The following JAKMIP1 variants were observed in gnomAD, a reference collection of about 807,000 sequenced individuals.
The protein encoded by JAKMIP1 is janus kinase and microtubule-interacting protein 1.
In JAKMIP1, 33 loss-of-function variants were observed where a neutral mutation model predicts 113.0. The ratio of observed to expected loss-of-function variants is 0.29; its 90% CI spans 0.22 to 0.39. The LOEUF is 0.39. Ranked by LOEUF, JAKMIP1 falls within the 10% of genes least tolerant of loss-of-function variation. JAKMIP1 has a pLI of 1.00. For synonymous variants in JAKMIP1, 480 were observed against 459.9 expected (o/e 1.04, Z -0.56); for missense variants, 813 against 1,080.5 (o/e 0.75, Z 3.47).
intron 1 of JAKMIP1, among the ~76,000 whole-genome samples, chr4:6,132,556 C>T (rs1018002148): frequency 6.6e-6 from 1 of 151,146 alleles, no homozygotes; most frequent in Non-Finnish European, 1.5e-5. Flanking sequence ...GCAGGAGGAT[C>T]GCTTGAATCT....
intron 5 of JAKMIP1, among the ~76,000 whole-genome samples, chr4:6,083,474 T>C (rs75792746): frequency 0.023 from 3,449 of 152,154 alleles, 127 homozygotes; most frequent in African/African-American, 0.076. Context: ...CAGTCTGATC[T>C]GACATGTTTC....
In JAKMIP1 at chr4:6,086,260, T is replaced by G. The variant is rs923671706; in HGVS notation, c.625-631A>C. Reference sequence around the variant, plus strand: ...CTGGCTCTCATTGAAGCCTGGAGTTTCCAAGGCTCGGGCCTCTTCTCACTC... The same window carrying G: ...CTGGCTCTCATTGAAGCCTGGAGTTGCCAAGGCTCGGGCCTCTTCTCACTC... On this transcript the variant is annotated intron_variant, in intron 3 of 20. Transcript: ENST00000409021. This position sits in a 1 kb window ranked among gnomAD's most constrained non-coding sequence, Gnocchi z 4.1. 5.9e-5 allele frequency among the ~76,000 whole-genome samples: 9 copies of G among 152,134 alleles called. No homozygotes were observed. Among genetic ancestry groups the G allele is most frequent in the Non-Finnish European group, 1.2e-4 (8 of 68,038 alleles).
At chr4:6,055,372 C>T (rs1185063144) in intron 12 of JAKMIP1, among the ~76,000 whole-genome samples, 2 of 152,106 alleles carry the variant, frequency 1.3e-5, no homozygotes, top group African/African-American at 4.8e-5. Flanking sequence ...GAATTGTACA[C>T]CAATAAGGAA....
In JAKMIP1 at chr4:6,142,000, C is replaced by T. The variant is rs1720227011; in HGVS notation, c.-147-29003G>A. The stretch of plus-strand genomic sequence containing the variant: ...GAGAAAAAGAAACTTCTCTTCCATC[C>T]CCCACCCCCACCCACTGTGAACACT... On this transcript the variant is annotated intron_variant, in intron 1 of 20. Coordinates refer to ENST00000409021, the MANE Select transcript of JAKMIP1 (RefSeq NM_001099433.2). This position sits in a 1 kb window ranked among gnomAD's most constrained non-coding sequence, Gnocchi z 9.4. Among the ~76,000 whole-genome samples the T allele has an allele frequency of 1.3e-5, 2 of 149,170 alleles. No homozygotes were observed. The highest frequency in any genetic ancestry group is 5.0e-5 in the African/African-American group (2 of 40,378).
chr4:6,085,941 C>A (rs902185467), intron 3 of JAKMIP1, among the ~76,000 whole-genome samples: 5 of 152,158 alleles, frequency 3.3e-5, no homozygotes, highest in African/African-American at 1.2e-4. Context: ...CACTGCCGGC[C>A]CCCAGCCAGG....
At position 6,179,222 on chromosome 4, in the gene JAKMIP1, A is replaced by C. The variant is rs895917331; in HGVS notation, c.-148+21031T>G. Among the ~76,000 whole-genome samples the C allele has an allele frequency of 1.3e-5, 2 of 152,178 alleles. No individual in the cohort carries two copies. Among genetic ancestry groups the C allele is most frequent in the Non-Finnish European group, 2.9e-5 (2 of 68,036 alleles). On this transcript the variant is annotated intron_variant, in intron 1 of 20. Transcript: ENST00000409021. This position sits in a 1 kb window ranked among gnomAD's most constrained non-coding sequence, Gnocchi z 4.5. Reference sequence around the variant, plus strand: ...GCCCTATGTGGCTGGAGAGAGGGTGAGATTCTCATCTCAAAGCCCCAGATT... The same window carrying C: ...GCCCTATGTGGCTGGAGAGAGGGTGCGATTCTCATCTCAAAGCCCCAGATT...
chr4:6,074,911 C>A (rs769915122), intron 8 of JAKMIP1, among the ~76,000 whole-genome samples: 1 of 152,248 alleles, frequency 6.6e-6, no homozygotes, highest in Non-Finnish European at 1.5e-5. Context: ...ACAGGCTAGA[C>A]TGAATAGCCT....
chr4:6,161,987 C>T (rs1169853056), intron 1 of JAKMIP1, among the ~76,000 whole-genome samples: 4 of 152,174 alleles, frequency 2.6e-5, no homozygotes, highest in African/African-American at 7.2e-5. Context: ...AAGTTCCCCA[C>T]GGTGTCTGCC....
At chr4:6,123,510 C>A (rs1315582961) in intron 1 of JAKMIP1, among the ~76,000 whole-genome samples, 1 of 152,206 alleles carries the variant, frequency 6.6e-6, no homozygotes, top group African/African-American at 2.4e-5. Context: ...AAAATAAAGT[C>A]TTTTAATACT....
chr4:6,133,502 T>C (rs1482308140), intron 1 of JAKMIP1, among the ~76,000 whole-genome samples: 1 of 152,210 alleles, frequency 6.6e-6, no homozygotes, highest in African/African-American at 2.4e-5. Flanking sequence ...CTTCCCAGCC[T>C]GACGCAAGCA....
chr4:6,048,512 G>A (rs533935086), intron 16 of JAKMIP1, among the ~76,000 whole-genome samples: 1 of 152,360 alleles, frequency 6.6e-6, no homozygotes, highest in East Asian at 1.9e-4. Flanking sequence ...ATGTTAAATG[G>A]TATGGAGGAT....
rs1012132875 is a variant in JAKMIP1, at chr4:6,051,751, G to A, written c.1807-1072C>T. On this transcript the variant is annotated intron_variant, in intron 13 of 20. Transcript: ENST00000409021. The surrounding 1 kb of genome is among the most constrained non-coding windows in gnomAD (Gnocchi z 5.0). ...ATAAATGACAAGGTTTTAAAAGGTC[G>A]GGAAAACCTAATTACTTACAGGGCT... Among the ~76,000 whole-genome samples, 4 of 152,180 alleles carry A rather than the reference G, an allele frequency of 2.6e-5. No homozygotes were observed. Among genetic ancestry groups the A allele is most frequent in the Admixed American group, 1.3e-4 (2 of 15,282 alleles).
rs1453418400 is a variant in JAKMIP1 at position 6,105,514 on chromosome 4, G to A, written c.583C>T (p.His195Tyr). 2 of 1,609,882 alleles carry A rather than the reference G, an allele frequency of 1.2e-6. No individual in the cohort carries two copies. Among genetic ancestry groups the A allele is most frequent in the Non-Finnish European group, 1.7e-6 (2 of 1,178,828 alleles). The change falls in exon 3 of 21, where the codon CAC (histidine) becomes TAC (tyrosine). Residue 195 changes from histidine to tyrosine, a missense_variant. Physicochemically the swap from His to Tyr is moderately conservative, Grantham distance 83. Transcript: ENST00000409021. ...AAYQAHQDEV[H>Y]RIKRECERDI... ...CGCTCGCACTCGCGCTTGATGCGGT[G>A]CACCTCGTCTTGGTGCGCCTGGTAG...
rs1726907089 is a variant in JAKMIP1 at position 6,188,726 on chromosome 4, C to T, written c.-148+11527G>A. On this transcript the variant is annotated intron_variant, in intron 1 of 20. Coordinates refer to ENST00000409021, the MANE Select transcript of JAKMIP1 (RefSeq NM_001099433.2). The surrounding 1 kb of genome is among the most constrained non-coding windows in gnomAD (Gnocchi z 5.8). ...TTTAATATCCTATCCAGCAATAAGA[C>T]TTGTTTGTGTCTTCAGTCTGAAGTG... Among the ~76,000 whole-genome samples the T allele has an allele frequency of 6.6e-6, 1 of 152,138 alleles. No individual in the cohort carries two copies. Among genetic ancestry groups the T allele is most frequent in the Admixed American group, 6.5e-5 (1 of 15,282 alleles).
intron 2 of JAKMIP1, among the ~76,000 whole-genome samples, chr4:6,111,750 A>T (rs1435862209): frequency 6.6e-6 from 1 of 152,182 alleles, no homozygotes; most frequent in East Asian, 1.9e-4. Context: ...CACTGTCCTG[A>T]CCAGCTCCAA....
chr4:6,125,504 T>G (rs1352547519), intron 1 of JAKMIP1, among the ~76,000 whole-genome samples: 1 of 152,068 alleles, frequency 6.6e-6, no homozygotes, highest in Admixed American at 6.5e-5. Flanking sequence ...GAGTCCGTTA[T>G]GTGTCCAGGA....
intron 5 of JAKMIP1, among the ~76,000 whole-genome samples, chr4:6,082,841 G>T (rs1043883779): frequency 2.6e-5 from 4 of 152,274 alleles, no homozygotes; most frequent in South Asian, 2.1e-4. Context: ...CCACTGGGAA[G>T]AGAGGTGAAC....
At chr4:6,182,048 C>T (rs1027411408) in intron 1 of JAKMIP1, among the ~76,000 whole-genome samples, 2 of 151,992 alleles carry the variant, frequency 1.3e-5, no homozygotes, top group South Asian at 4.2e-4. Flanking sequence ...CAAATTGATA[C>T]ATTGAAACCC....
At chr4:6,122,331 G>GTAA (rs57166111) in intron 1 of JAKMIP1, among the ~76,000 whole-genome samples, 4,540 of 152,144 alleles carry the variant, frequency 0.03, 224 homozygotes, top group African/African-American at 0.1. Flanking sequence ...GTCTCAAATA[G>GTAA]TAATAATAAT....
Sources: gnomAD v4.1 joint callset for allele counts (sites outside exome capture counted in the v4.1 genomes callset) on GRCh38, gnomAD v4.1.1 for gene constraint, Gnocchi (gnomAD v3.1) non-coding constraint, MANE v1.5 for transcripts, NCBI Gene and HGNC (gene_info 2026-07-23, HGNC 2026-07-21) for gene names.